Variants in IMMP1L observed in about 807,000 individuals in gnomAD.
IMMP1L encodes the protein mitochondrial inner membrane protease subunit 1.
In IMMP1L, 24 loss-of-function variants were observed where a neutral mutation model predicts 21.8. The ratio of observed to expected loss-of-function variants is 1.10; its 90% CI spans 0.80 to 1.55. IMMP1L has a LOEUF of 1.55. Ranked by LOEUF, IMMP1L falls within the 40% of genes most tolerant of loss-of-function variation. The pLI is 0.00. For missense variants in IMMP1L, 195 were observed against 200.7 expected (o/e 0.97, Z 0.17); for synonymous variants, 46 against 62.8 (o/e 0.73, Z 1.26).
At chr11:31,444,744 C>T (rs1297564703) in intron 4 of IMMP1L, among the ~76,000 whole-genome samples, 1 of 152,116 alleles carries the variant, frequency 6.6e-6, no homozygotes, top group Non-Finnish European at 1.5e-5. Context: ...CATGCACCAC[C>T]ACGCCTGGCT....
chr11:31,509,505 G>T lies in IMMP1L; in HGVS notation c.-30+14C>A. 2.0e-6 allele frequency: 1 copy of T among 506,016 alleles called. No homozygotes were observed. Among genetic ancestry groups the T allele is most frequent in the East Asian group, 3.4e-5 (1 of 29,542 alleles). The allele number at this position is 506,016 out of a possible 1,614,324, so 31.3% of individuals were successfully genotyped here. On this transcript the variant is annotated intron_variant, in intron 1 of 5. Coordinates refer to ENST00000532287, the MANE Select transcript of IMMP1L (RefSeq NM_001304274.2). ...GCACTCAAAAGGAGAAGAACGTTACGTGATATTACCTACCTCGGGCCCCAA... is the reference window on the plus strand; with the variant it reads ...GCACTCAAAAGGAGAAGAACGTTACTTGATATTACCTACCTCGGGCCCCAA...
intron 4 of IMMP1L, among the ~76,000 whole-genome samples, chr11:31,450,108 T>G (rs1372381374): frequency 6.6e-6 from 1 of 152,128 alleles, no homozygotes; most frequent in Non-Finnish European, 1.5e-5. Flanking sequence ...AAGGAGAAAT[T>G]TATAAACTTC....
intron 1 of IMMP1L, among the ~76,000 whole-genome samples, chr11:31,498,949 A>T (rs1278779752): frequency 1.3e-5 from 2 of 152,234 alleles, no homozygotes; most frequent in African/African-American, 4.8e-5. Flanking sequence ...GGAGATACTG[A>T]AGAAGATACT....
At chr11:31,458,644 C>T (rs1954029351) in intron 3 of IMMP1L, among the ~76,000 whole-genome samples, 3 of 152,106 alleles carry the variant, frequency 2.0e-5, no homozygotes, top group Admixed American at 6.6e-5. Context: ...GAGTTCTGTG[C>T]TGTGGGTAAA....
intron 4 of IMMP1L, among the ~76,000 whole-genome samples, chr11:31,447,264 TC>T (rs954423772): frequency 7.9e-5 from 12 of 152,120 alleles, no homozygotes; most frequent in African/African-American, 2.7e-4. Context: ...CCCTTAGATG[TC>T]CCCCCTCCCA....
intron 1 of IMMP1L, among the ~76,000 whole-genome samples, chr11:31,463,948 C>G (rs947967075): frequency 2.0e-5 from 3 of 151,838 alleles, no homozygotes; most frequent in Non-Finnish European, 4.4e-5. Flanking sequence ...CATAAAGAAC[C>G]ATTTAAAGAT....
At chr11:31,509,294 A>T (rs1374379745) in intron 1 of IMMP1L, among the ~76,000 whole-genome samples, 1 of 152,196 alleles carries the variant, frequency 6.6e-6, no homozygotes, top group Non-Finnish European at 1.5e-5. Flanking sequence ...CTTTCCATAT[A>T]ACACAAAATT....
chr11:31,440,768 C>T (rs1953299530), intron 4 of IMMP1L, among the ~76,000 whole-genome samples: 1 of 152,134 alleles, frequency 6.6e-6, no homozygotes, highest in Admixed American at 6.5e-5. Context: ...TGATGTGTGA[C>T]GTGTGCTTTG....
chr11:31,475,391 C>T (rs1296855961), intron 1 of IMMP1L, among the ~76,000 whole-genome samples: 1 of 152,096 alleles, frequency 6.6e-6, no homozygotes, highest in Non-Finnish European at 1.5e-5. Flanking sequence ...TATCATTTAG[C>T]ATTATCATAG....
chr11:31,469,119 C>T (rs1954459447), intron 1 of IMMP1L, among the ~76,000 whole-genome samples: 1 of 152,020 alleles, frequency 6.6e-6, no homozygotes, highest in African/African-American at 2.4e-5. Context: ...AAAATATCTA[C>T]TCAAACACCT....
chr11:31,460,827 G>T, intron 2 of IMMP1L, 113 bp from the exon 3 acceptor site: 1 of 767,774 alleles, frequency 1.3e-6, no homozygotes. Context: ...TAAAGCTTGG[G>T]GGATGATTCA....
chr11:31,469,669 A>C (rs1012503844), intron 1 of IMMP1L: 5 of 152,240 alleles, frequency 3.3e-5, no homozygotes, highest in Admixed American at 1.3e-4. Context: ...AATATTTTGA[A>C]GAAATATTGG....
intron 1 of IMMP1L, among the ~76,000 whole-genome samples, chr11:31,500,608 C>CAA (rs1565016766): frequency 6.7e-6 from 1 of 149,508 alleles, no homozygotes; most frequent in African/African-American, 2.5e-5. Context: ...CACACACACA[C>CAA]ACAAACACAC....
intron 1 of IMMP1L, among the ~76,000 whole-genome samples, chr11:31,507,378 C>G (rs1955810617): frequency 6.6e-6 from 1 of 152,108 alleles, no homozygotes; most frequent in South Asian, 2.1e-4. Context: ...GATCATCTTT[C>G]CAGAATTATA....
At chr11:31,439,897 C>G (rs1459589997) in intron 4 of IMMP1L, among the ~76,000 whole-genome samples, 2 of 152,208 alleles carry the variant, frequency 1.3e-5, no homozygotes, top group Non-Finnish European at 2.9e-5. Flanking sequence ...TCTCTCAGCT[C>G]TGTGTGAGTT....
At chr11:31,482,682 A>G (rs991327428) in intron 1 of IMMP1L, among the ~76,000 whole-genome samples, 1 of 152,074 alleles carries the variant, frequency 6.6e-6, no homozygotes, top group Non-Finnish European at 1.5e-5. Flanking sequence ...GAAAAATGAA[A>G]AAGATGGGGG....
At chr11:31,487,094 A>G (rs973214283) in intron 1 of IMMP1L, among the ~76,000 whole-genome samples, 1 of 151,740 alleles carries the variant, frequency 6.6e-6, no homozygotes, top group South Asian at 2.1e-4. Flanking sequence ...ACAAAAAGTT[A>G]TAATTATATA....
At chr11:31,438,828 A>G (rs756944637) in intron 4 of IMMP1L, among the ~76,000 whole-genome samples, 10 of 152,160 alleles carry the variant, frequency 6.6e-5, no homozygotes, top group Non-Finnish European at 1.2e-4. Flanking sequence ...AATATGCATC[A>G]TTAATCACAG....
intron 4 of IMMP1L, 111 bp from the exon 5 acceptor site, chr11:31,433,681 A>G: frequency 1.9e-6 from 1 of 526,906 alleles, no homozygotes. Context: ...GCTCTCTTTT[A>G]TAGAATAGAT....
Sources: gnomAD v4.1 joint callset for allele counts (sites outside exome capture counted in the v4.1 genomes callset) on GRCh38, gnomAD v4.1.1 for gene constraint, MANE v1.5 for transcripts, NCBI Gene and HGNC (gene_info 2026-07-23, HGNC 2026-07-21) for gene names.